ZSWIM5: variants seen among roughly 807,000 people sequenced by gnomAD.
The protein encoded by ZSWIM5 is zinc finger SWIM-type containing 5.
In ZSWIM5, 55 loss-of-function variants were observed where a neutral mutation model predicts 119.6. The ratio of observed to expected loss-of-function variants is 0.46; its 90% CI spans 0.37 to 0.58. The LOEUF is 0.58. ZSWIM5 is among the 20% of genes least tolerant of loss of function. ZSWIM5 has a pLI of 0.00. For synonymous variants in ZSWIM5, 537 were observed against 606.9 expected (o/e 0.88, Z 1.69); for missense variants, 1,193 against 1,512.8 (o/e 0.79, Z 3.51).
Position 45,018,386 on chromosome 1 carries a change from A to T in ZSWIM5, c.*68T>A. The T allele has an allele frequency of 6.4e-7, 1 of 1,553,346 alleles. No homozygotes were observed. ...TTCTCTCAGGGTGGACAAATGTTTC[A>T]GTGCCCTTGGCCTGACCTGATACTA... On this transcript the variant is annotated 3_prime_UTR_variant, in exon 14 of 14. Transcript: ENST00000359600. This position sits in a 1 kb window ranked among gnomAD's most constrained non-coding sequence, Gnocchi z 6.7.
intron 1 of ZSWIM5, among the ~76,000 whole-genome samples, chr1:45,158,872 T>C (rs1570162459): frequency 6.6e-6 from 1 of 152,184 alleles, no homozygotes; most frequent in African/African-American, 2.4e-5. Flanking sequence ...CTTTCTTTTA[T>C]TCTAGCTCAC....
At position 45,050,041 on chromosome 1, in the gene ZSWIM5, T is replaced by A. The variant is rs535936208; in HGVS notation, c.1432+1033A>T. On this transcript the variant is annotated intron_variant, in intron 5 of 13. Coordinates refer to ENST00000359600, the MANE Select transcript of ZSWIM5 (RefSeq NM_020883.2). ...ATGATTTCCTCCTTGAGACTGAAAATACCAATAGAGTTATTTGAAATAAAA... is the reference window on the plus strand; with the variant it reads ...ATGATTTCCTCCTTGAGACTGAAAAAACCAATAGAGTTATTTGAAATAAAA... 2.6e-5 allele frequency among the ~76,000 whole-genome samples: 4 copies of A among 151,948 alleles called. 1 individual carries two copies. In the South Asian group the frequency reaches 6.2e-4, roughly 24 times the overall value.
At chr1:45,069,864 T>C (rs1247718386) in intron 2 of ZSWIM5, 1 of 403,640 alleles carries the variant, frequency 2.5e-6, no homozygotes, top group Non-Finnish European at 4.5e-6. Context: ...CATATTTCTT[T>C]TACTGTTGCT....
chr1:45,124,699 G>A (rs1335404201), intron 1 of ZSWIM5, among the ~76,000 whole-genome samples: 1 of 152,100 alleles, frequency 6.6e-6, no homozygotes. Context: ...CATGACCCAA[G>A]TATATCCTGT....
At chr1:45,075,768 T>A in intron 2 of ZSWIM5, among the ~76,000 whole-genome samples, 1 of 152,106 alleles carries the variant, frequency 6.6e-6, no homozygotes, top group Non-Finnish European at 1.5e-5. Context: ...TTTCTGGTTG[T>A]TCTGTGGTCT....
intron 1 of ZSWIM5, among the ~76,000 whole-genome samples, chr1:45,132,597 C>T (rs116368569): frequency 0.021 from 3,168 of 152,014 alleles, 119 homozygotes; most frequent in African/African-American, 0.072. Flanking sequence ...AATGTGCCTA[C>T]GGGAAAATAA....
At chr1:45,121,627 G>C (rs1645593099) in intron 1 of ZSWIM5, among the ~76,000 whole-genome samples, 1 of 147,302 alleles carries the variant, frequency 6.8e-6, no homozygotes, top group East Asian at 2.0e-4. Flanking sequence ...TTTGAGACAG[G>C]GTCTTGCTGT....
chr1:45,035,573 C>T (rs187562517), intron 10 of ZSWIM5, 115 bp downstream of exon 10: 19 of 1,321,374 alleles, frequency 1.4e-5, no homozygotes, highest in South Asian at 5.8e-5. Flanking sequence ...CACTTGGTAG[C>T]GGGTCCAACA....
intron 2 of ZSWIM5, among the ~76,000 whole-genome samples, chr1:45,063,938 C>T (rs1031772681): frequency 4.6e-5 from 7 of 151,388 alleles, no homozygotes; most frequent in Admixed American, 2.6e-4. Context: ...GCCGAGATTG[C>T]GCCACTGCAC....
rs1400409520 is a variant in ZSWIM5 at position 45,205,704 on chromosome 1, C to T, written c.595+52G>A. Reference sequence around the variant, plus strand: ...CCCCAGGGCTCGGGCCGAGAAGAGGCACCCGCGGAAGAGGAGGCTGAGGAC... The same window carrying T: ...CCCCAGGGCTCGGGCCGAGAAGAGGTACCCGCGGAAGAGGAGGCTGAGGAC... On this transcript the variant is annotated intron_variant, in intron 1 of 13. Transcript: ENST00000359600. 6 of 1,454,756 alleles carry T rather than the reference C, an allele frequency of 4.1e-6. No homozygotes were observed. In the East Asian group the frequency reaches 1.5e-4, roughly 37 times the overall value. 90.1% of individuals were successfully genotyped at this position (1,454,756 alleles called of 1,614,324 possible). A position where few individuals can be genotyped will look rare whatever the true frequency, so the allele number is the denominator to read the frequency against.
chr1:45,117,735 G>A (rs913423905), intron 1 of ZSWIM5, among the ~76,000 whole-genome samples: 1 of 152,114 alleles, frequency 6.6e-6, no homozygotes, highest in Non-Finnish European at 1.5e-5. Flanking sequence ...AATAGGGTTG[G>A]GTTGTATGAG....
intron 3 of ZSWIM5, among the ~76,000 whole-genome samples, chr1:45,059,327 G>A (rs1400230775): frequency 6.6e-6 from 1 of 152,060 alleles, no homozygotes; most frequent in Non-Finnish European, 1.5e-5. Context: ...GACATAAAAA[G>A]GAATGAAGTA....
chr1:45,115,751 C>T (rs1310677789), intron 1 of ZSWIM5, among the ~76,000 whole-genome samples: 3 of 147,760 alleles, frequency 2.0e-5, no homozygotes, highest in Admixed American at 6.7e-5. Flanking sequence ...TGGGAAGAGG[C>T]GCTCCTCACT....
chr1:45,206,331 C>G lies in ZSWIM5; in HGVS notation c.20G>C (p.Arg7Pro). The change falls in exon 1 of 14, where the codon CGA becomes CCA. Residue 7 changes from arginine to proline, a missense_variant. By Grantham distance (103) the Arg-to-Pro change is moderately radical (BLOSUM62 -2). Around this residue, in one of 2 missense-constraint regions of ZSWIM5, gnomAD observed 232 missense variants for 222.9 expected, o/e 1.04. Transcript: ENST00000359600. MADGGEREELLSPSPVS... is the reference protein window; with the variant it reads MADGGEPEELLSPSPVS... ...CGGTGACGGCGAGAGCAGCTCCTCT[C>G]GCTCACCTCCGTCCGCCATTGCTGG... 8 of 1,491,944 alleles carry G rather than the reference C, an allele frequency of 5.4e-6. No individual in the cohort carries two copies. Among genetic ancestry groups the G allele is most frequent in the Non-Finnish European group, 7.1e-6 (8 of 1,120,184 alleles). 92.4% of individuals were successfully genotyped at this position (1,491,944 alleles called of 1,614,324 possible).
intron 1 of ZSWIM5, among the ~76,000 whole-genome samples, chr1:45,117,524 T>C (rs1443648600): frequency 6.6e-6 from 1 of 152,086 alleles, no homozygotes; most frequent in Non-Finnish European, 1.5e-5. Context: ...AATAAAAAAA[T>C]TAGCCAGGCA....
intron 11 of ZSWIM5, 61 bp from the exon 12 acceptor site, chr1:45,020,849 C>G: frequency 6.4e-7 from 1 of 1,555,102 alleles, no homozygotes; most frequent in Non-Finnish European, 8.8e-7. Flanking sequence ...AGTCAGCTGA[C>G]TGCAATAGAT....
rs1316067441 is a variant in ZSWIM5, at chr1:45,016,661, C to T, written c.*1793G>A. ...TTTGTCGAAGAAAGAAAAAGTAAAG[C>T]AGATGGAGAAGTTCTTAGTTCACAT... On this transcript the variant is annotated 3_prime_UTR_variant, in exon 14 of 14. Transcript: ENST00000359600. 7 of 152,288 alleles carry T rather than the reference C, an allele frequency of 4.6e-5. No homozygotes were observed. Among genetic ancestry groups the T allele is most frequent in the African/African-American group, 7.2e-5 (3 of 41,542 alleles). 9.4% of individuals were successfully genotyped at this position (152,288 alleles called of 1,614,324 possible). A position where few individuals can be genotyped will look rare whatever the true frequency, so the allele number is the denominator to read the frequency against.
chr1:45,093,341 G>T (rs1191297218), intron 1 of ZSWIM5, among the ~76,000 whole-genome samples: 1 of 152,164 alleles, frequency 6.6e-6, no homozygotes, highest in African/African-American at 2.4e-5. Context: ...TCTACAATTA[G>T]AGCTCAAGTA....
chr1:45,068,271 A>T (rs2149003520), intron 2 of ZSWIM5, among the ~76,000 whole-genome samples: 1 of 151,510 alleles, frequency 6.6e-6, no homozygotes, highest in African/African-American at 2.4e-5. Context: ...ATGCCTGGCT[A>T]ATTTTTGTAT....
Sources: gnomAD v4.1 joint callset for allele counts (sites outside exome capture counted in the v4.1 genomes callset) on GRCh38, gnomAD v4.1.1 for gene constraint, gnomAD v4.1.1 regional missense constraint, Gnocchi (gnomAD v3.1) non-coding constraint, MANE v1.5 for transcripts, NCBI Gene and HGNC (gene_info 2026-07-23, HGNC 2026-07-21) for gene names.